The following KCNH8 variants were observed in gnomAD, a reference collection of about 807,000 sequenced individuals.
KCNH8 encodes potassium voltage-gated channel subfamily H member 8, also known as voltage-gated delayed rectifier potassium channel KCNH8.
A neutral mutation model predicts 103.6 loss-of-function variants in KCNH8; 70 were observed. That is an observed-to-expected ratio of 0.68 (90% CI 0.56 to 0.82). The LOEUF is 0.82. KCNH8 is among the 40% of genes least tolerant of loss of function. The pLI is 0.00. For missense variants in KCNH8, 1,217 were observed against 1,329.9 expected (o/e 0.92, Z 1.32); for synonymous variants, 498 against 489.4 (o/e 1.02, Z -0.23).
intron 11 of KCNH8, among the ~76,000 whole-genome samples, chr3:19,458,527 G>A (rs752526575): frequency 6.6e-6 from 1 of 151,846 alleles, no homozygotes; most frequent in African/African-American, 2.4e-5. Flanking sequence ...TTTCAAATAT[G>A]TATACATTTT....
At chr3:19,225,190 T>C (rs1385743625) in intron 1 of KCNH8, among the ~76,000 whole-genome samples, 3 of 151,842 alleles carry the variant, frequency 2.0e-5, no homozygotes, top group Non-Finnish European at 4.4e-5. Context: ...AGAGATATAA[T>C]AGAGTAGCAA....
chr3:19,377,114 A>G (rs2066219810), intron 5 of KCNH8, among the ~76,000 whole-genome samples: 1 of 152,252 alleles, frequency 6.6e-6, no homozygotes, highest in Non-Finnish European at 1.5e-5. Context: ...CTAGGCAATG[A>G]TGAATCCTGG....
chr3:19,249,542 C>A (rs1280443110), intron 1 of KCNH8, among the ~76,000 whole-genome samples: 1 of 152,174 alleles, frequency 6.6e-6, no homozygotes, highest in Non-Finnish European at 1.5e-5. Context: ...ACACACAGAT[C>A]AGTCAACTCA....
At chr3:19,327,317 G>A (rs1266971003) in intron 3 of KCNH8, among the ~76,000 whole-genome samples, 3 of 152,116 alleles carry the variant, frequency 2.0e-5, no homozygotes, top group Admixed American at 6.6e-5. Context: ...TTTGAGACAG[G>A]TTCTCACTCT....
intron 5 of KCNH8, among the ~76,000 whole-genome samples, chr3:19,351,648 G>A (rs1212713541): frequency 1.3e-5 from 2 of 152,132 alleles, no homozygotes; most frequent in African/African-American, 2.4e-5. Flanking sequence ...CTTCATAAGT[G>A]AAGGAGAAAT....
intron 1 of KCNH8, among the ~76,000 whole-genome samples, chr3:19,197,572 C>A (rs995925251): frequency 6.6e-6 from 1 of 151,776 alleles, no homozygotes; most frequent in Non-Finnish European, 1.5e-5. Flanking sequence ...GTTAAGAATA[C>A]AGGTTTTGGA....
intron 11 of KCNH8, among the ~76,000 whole-genome samples, chr3:19,483,634 G>T (rs1354797634): frequency 6.6e-6 from 1 of 152,014 alleles, no homozygotes; most frequent in Non-Finnish European, 1.5e-5. Context: ...AAATTTCTTG[G>T]GTTTTTTTTG....
intron 11 of KCNH8, among the ~76,000 whole-genome samples, chr3:19,475,892 T>A (rs1380007027): frequency 4.6e-5 from 7 of 152,192 alleles, no homozygotes; most frequent in Non-Finnish European, 8.8e-5. Context: ...CAAAGACTTG[T>A]TTTTAGTCAA....
At chr3:19,318,717 A>T (rs947019243) in intron 3 of KCNH8, among the ~76,000 whole-genome samples, 1 of 150,334 alleles carries the variant, frequency 6.7e-6, no homozygotes, top group African/African-American at 2.4e-5. Flanking sequence ...TATTTCTTTA[A>T]GGAGTCTCCA....
chr3:19,374,544 T>G (rs531062723), intron 5 of KCNH8, among the ~76,000 whole-genome samples: 1 of 152,348 alleles, frequency 6.6e-6, no homozygotes, highest in African/African-American at 2.4e-5. Flanking sequence ...CTGATGGGTG[T>G]TGACTCTTTA....
intron 3 of KCNH8, among the ~76,000 whole-genome samples, chr3:19,339,357 A>G (rs2065627481): frequency 6.6e-6 from 1 of 152,130 alleles, no homozygotes; most frequent in Non-Finnish European, 1.5e-5. Flanking sequence ...GCCAATTGAT[A>G]TGGTATAAGC....
At chr3:19,454,197 TTTTC>T (rs1368179709) in intron 10 of KCNH8, among the ~76,000 whole-genome samples, 1 of 144,152 alleles carries the variant, frequency 6.9e-6, no homozygotes. Flanking sequence ...TGTGTGTGTG[TTTTC>T]TTTCTTAAGG....
chr3:19,469,515 C>T (rs557252225), intron 11 of KCNH8, among the ~76,000 whole-genome samples: 1 of 152,102 alleles, frequency 6.6e-6, no homozygotes, highest in Non-Finnish European at 1.5e-5. Flanking sequence ...TCTCGGCTCA[C>T]TGCAACCTCT....
chr3:19,467,300 GAC>G (rs138481664), intron 11 of KCNH8, among the ~76,000 whole-genome samples: 4,218 of 148,506 alleles, frequency 0.028, 173 homozygotes, highest in East Asian at 0.2. Context: ...TGTATAAGTA[GAC>G]ACACACACAC....
At chr3:19,345,097 C>G (rs1048046233) in intron 4 of KCNH8, among the ~76,000 whole-genome samples, 1 of 152,106 alleles carries the variant, frequency 6.6e-6, no homozygotes, top group Non-Finnish European at 1.5e-5. Context: ...CTGGCTCTAA[C>G]TTTGCCTGGT....
intron 11 of KCNH8, among the ~76,000 whole-genome samples, chr3:19,509,975 CA>C (rs1575159350): frequency 7.1e-6 from 1 of 140,904 alleles, no homozygotes; most frequent in East Asian, 2.1e-4. Context: ...AGCAAAATAG[CA>C]AGAAAGAAGA....
At chr3:19,164,004 A>G (rs553532071) in intron 1 of KCNH8, among the ~76,000 whole-genome samples, 14 of 152,334 alleles carry the variant, frequency 9.2e-5, no homozygotes, top group Non-Finnish European at 1.8e-4. Flanking sequence ...TGGTAGTTAA[A>G]TTTTGGGAGA....
At chr3:19,327,222 C>T (rs1051976869) in intron 3 of KCNH8, among the ~76,000 whole-genome samples, 5 of 152,176 alleles carry the variant, frequency 3.3e-5, no homozygotes, top group African/African-American at 1.2e-4. Flanking sequence ...AAAACAACCT[C>T]TATCTATTGG....
intron 8 of KCNH8, among the ~76,000 whole-genome samples, chr3:19,439,784 A>T (rs186957279): frequency 2.0e-5 from 3 of 152,322 alleles, no homozygotes; most frequent in Admixed American, 2.0e-4. Context: ...CTAAGCAAAG[A>T]CGTAAAAGAA....
Sources: allele counts gnomAD v4.1 joint callset (sites outside exome capture counted in the v4.1 genomes callset), GRCh38; gene constraint gnomAD v4.1.1; transcripts MANE v1.5; gene names NCBI Gene and HGNC (gene_info 2026-07-23, HGNC 2026-07-21).